The following GMCL1 variants were observed in gnomAD, a reference collection of about 807,000 sequenced individuals.
GMCL1 encodes the protein germ cell-less protein-like 1.
A neutral mutation model predicts 75.5 loss-of-function variants in GMCL1; 54 were observed. The observed-to-expected ratio is 0.71, with a 90% CI of 0.57 to 0.90. The LOEUF (loss-of-function observed/expected upper bound fraction) is 0.90. GMCL1 is among the 40% of genes least tolerant of loss of function. GMCL1 has a pLI of 0.00. For synonymous variants in GMCL1, 210 were observed against 209.6 expected (o/e 1.00, Z -0.02); for missense variants, 537 against 622.7 (o/e 0.86, Z 1.47).
chr2:69,868,431 C>CCTA (rs1675882056), intron 11 of GMCL1, among the ~76,000 whole-genome samples: 1 of 152,174 alleles, frequency 6.6e-6, no homozygotes, highest in Non-Finnish European at 1.5e-5. Flanking sequence ...CTCTGTATCA[C>CCTA]ACTACCTTAT....
chr2:69,877,465 A>G (rs1035292815), intron 13 of GMCL1, among the ~76,000 whole-genome samples: 2 of 152,184 alleles, frequency 1.3e-5, no homozygotes, highest in African/African-American at 2.4e-5. Context: ...ATCATCAGAT[A>G]TACATATCAT....
intron 13 of GMCL1, among the ~76,000 whole-genome samples, chr2:69,876,062 T>TAGTG (rs1255504038): frequency 2.0e-5 from 3 of 152,192 alleles, no homozygotes; most frequent in African/African-American, 4.8e-5. Context: ...GTAAGAAAGT[T>TAGTG]AGTGATTTTT....
chr2:69,838,336 CAAAAAAAAAAAAAAAAAAA>C (rs71397366), intron 2 of GMCL1, among the ~76,000 whole-genome samples: 1 of 31,536 alleles, frequency 3.2e-5, no homozygotes, highest in African/African-American at 1.1e-4. Context: ...GACTCTGTCT[CAAAAAAAAAAAAAAAAAAA>C]AAAAAAAAAT....
chr2:69,850,107 G>A (rs4852350), intron 8 of GMCL1, among the ~76,000 whole-genome samples: 10,515 of 152,102 alleles, frequency 0.069, 952 homozygotes, highest in Admixed American at 0.22. Flanking sequence ...GCTATACCCC[G>A]TCAGGCAACC....
chr2:69,860,402 T>A (rs944900736), intron 9 of GMCL1, among the ~76,000 whole-genome samples: 3 of 152,162 alleles, frequency 2.0e-5, no homozygotes, highest in Non-Finnish European at 4.4e-5. Flanking sequence ...AATTACAATT[T>A]TTATTCTATT....
At chr2:69,867,806 G>C (rs541366428) in intron 11 of GMCL1, among the ~76,000 whole-genome samples, 64 of 152,302 alleles carry the variant, frequency 4.2e-4, no homozygotes, top group Non-Finnish European at 4.3e-4. Flanking sequence ...AAGTAGGTTA[G>C]TGCTGCATCA....
rs925160122 is a variant in GMCL1 at position 69,874,802 on chromosome 2, T to G, written c.1452+2970T>G. ...TGTCACTCAGGCTGGAGTGCAATGG[T>G]ACAATCTTGGCTCACTGCAGCTTCC... is the stretch of plus-strand genomic sequence containing the variant. On this transcript the variant is annotated intron_variant, in intron 13 of 13. Transcript: ENST00000282570. 1.1e-4 allele frequency among the ~76,000 whole-genome samples: 16 copies of G among 151,756 alleles called. 1 individual carries two copies. The East Asian group carries it at 2.9e-3, about 27-fold the overall frequency.
At chr2:69,838,779 C>A (rs541178439) in intron 2 of GMCL1, among the ~76,000 whole-genome samples, 1 of 152,224 alleles carries the variant, frequency 6.6e-6, no homozygotes, top group Admixed American at 6.5e-5. Flanking sequence ...TAAAACTTTA[C>A]CCCTCGTGGA....
At position 69,829,868 on chromosome 2, in the gene GMCL1, C is replaced by T. The variant is rs745668968; in HGVS notation, c.-25C>T. The stretch of plus-strand genomic sequence containing the variant: ...CGGGAGACCCCCTTCTCTGGGCTCC[C>T]TGAAGTCTCGGGGAGCCGTGACCCA... On this transcript the variant is annotated 5_prime_UTR_variant, in exon 1 of 14. Transcript: ENST00000282570. 21 of 1,551,702 alleles carry T rather than the reference C, an allele frequency of 1.4e-5. No homozygotes were observed. The highest frequency in any genetic ancestry group is 1.6e-5 in the Non-Finnish European group (19 of 1,151,608).
At chr2:69,837,716 T>A (rs1472897281) in intron 2 of GMCL1, 46 bp downstream of exon 2, 1 of 1,563,060 alleles carries the variant, frequency 6.4e-7, no homozygotes, top group African/African-American at 1.4e-5. Flanking sequence ...ACTGAAACTC[T>A]TAAGTCATGT....
At chr2:69,848,860 C>T (rs368851531) in intron 7 of GMCL1, among the ~76,000 whole-genome samples, 5 of 152,116 alleles carry the variant, frequency 3.3e-5, no homozygotes, top group South Asian at 4.1e-4. Context: ...GTAATGTGCC[C>T]GGCTCTTAAG....
At position 69,840,528 on chromosome 2, in the gene GMCL1, A is replaced by G. The variant is rs367743416; in HGVS notation, c.482-414A>G. Among the ~76,000 whole-genome samples the G allele has an allele frequency of 3.3e-5, 5 of 152,148 alleles. No homozygotes were observed. The East Asian group carries it at 7.7e-4, about 23-fold the overall frequency. ...GGGGCTGGGAATGAGTGTGGCATGG[A>G]CAGGACTCAGGAGCTGTACCACATT... On this transcript the variant is annotated intron_variant, in intron 3 of 13. Transcript: ENST00000282570.
chr2:69,851,165 C>T lies in GMCL1; in HGVS notation c.934+1423C>T, dbSNP rs527421263. ...TAAAGATGTCTTTTTGGTTGGGTGCCGTGGCTCATGCCTGTAATCCCAGCA... is the reference window on the plus strand; with the variant it reads ...TAAAGATGTCTTTTTGGTTGGGTGCTGTGGCTCATGCCTGTAATCCCAGCA... On this transcript the variant is annotated intron_variant, in intron 8 of 13. Coordinates refer to ENST00000282570, the MANE Select transcript of GMCL1 (RefSeq NM_178439.5). Among the ~76,000 whole-genome samples, 9 of 152,218 alleles carry T rather than the reference C, an allele frequency of 5.9e-5. No homozygotes were observed. In the East Asian group the frequency reaches 1.2e-3, roughly 20 times the overall value.
At chr2:69,864,767 C>A (rs1675761093) in intron 10 of GMCL1, 133 bp from the exon 11 acceptor site, 4 of 603,286 alleles carry the variant, frequency 6.6e-6, no homozygotes, top group Middle Eastern at 3.6e-4. Flanking sequence ...TCAACACTTT[C>A]TTATTTTTAT....
chr2:69,830,256 T>C lies in GMCL1; in HGVS notation c.260+104T>C, dbSNP rs1023420880. The C allele has an allele frequency of 2.9e-6, 4 of 1,384,406 alleles. No individual in the cohort carries two copies. The African/African-American group carries it at 5.8e-5, about 20-fold the overall frequency. The allele number at this position is 1,384,406 out of a possible 1,614,324, so 85.8% of individuals were successfully genotyped here. A position where few individuals can be genotyped will look rare whatever the true frequency, so the allele number is the denominator to read the frequency against. ...GCGGGGTGCAGCGCTCCCCAGCCTA[T>C]GGAGAGGGGACGTGCCCTTGACAGG... is the stretch of plus-strand genomic sequence containing the variant. On this transcript the variant is annotated intron_variant, in intron 1 of 13. Transcript: ENST00000282570.
chr2:69,844,312 TTAATG>T, intron 6 of GMCL1, 116 bp downstream of exon 6: 1 of 578,874 alleles, frequency 1.7e-6, no homozygotes, highest in Non-Finnish European at 3.1e-6. Flanking sequence ...AGCAAACAAT[TTAATG>T]AAAGGGCTTG....
chr2:69,863,018 A>G (rs1192662464), intron 10 of GMCL1, among the ~76,000 whole-genome samples: 1 of 152,172 alleles, frequency 6.6e-6, no homozygotes, highest in Non-Finnish European at 1.5e-5. Context: ...GAGGTAATAC[A>G]GAGTCTCATC....
intron 9 of GMCL1, among the ~76,000 whole-genome samples, chr2:69,856,651 T>G (rs866349543): frequency 0.065 from 9,390 of 144,018 alleles, 864 homozygotes; most frequent in Admixed American, 0.2. Flanking sequence ...TTTTTTTTTT[T>G]TTTTTTTTTT....
In GMCL1 at chr2:69,829,804, T is replaced by G; in HGVS notation, c.-89T>G. 2 of 1,406,738 alleles carry G rather than the reference T, an allele frequency of 1.4e-6. No homozygotes were observed. Among genetic ancestry groups the G allele is most frequent in the African/African-American group, 1.5e-5 (1 of 68,940 alleles). The allele number at this position is 1,406,738 out of a possible 1,614,324, so 87.1% of individuals were successfully genotyped here. A position where few individuals can be genotyped will look rare whatever the true frequency, so the allele number is the denominator to read the frequency against. The stretch of plus-strand genomic sequence containing the variant: ...GTGAGAAGGTGGCGGTGTAGGCACC[T>G]GCGCTCGGGGAAGGCTGGCGGCGGC... On this transcript the variant is annotated 5_prime_UTR_variant, in exon 1 of 14. Transcript: ENST00000282570.
Sources: allele counts gnomAD v4.1 joint callset (sites outside exome capture counted in the v4.1 genomes callset), GRCh38; gene constraint gnomAD v4.1.1; transcripts MANE v1.5; gene names NCBI Gene and HGNC (gene_info 2026-07-23, HGNC 2026-07-21).